The following PZP variants were observed in gnomAD, a reference collection of about 807,000 sequenced individuals.
PZP encodes PZP alpha-2-macroglobulin like.
PZP carries 150 observed loss-of-function variants against 179.8 expected under a neutral mutation model. The observed-to-expected ratio is 0.83, with a 90% CI of 0.73 to 0.96. The LOEUF (loss-of-function observed/expected upper bound fraction) is 0.96, where lower values mean the gene tolerates loss of function less well. Ranked by LOEUF, PZP falls within the 40% of genes least tolerant of loss-of-function variation. The pLI, the probability that PZP is intolerant of heterozygous loss-of-function variation, is 0.00. For synonymous variants in PZP, 624 were observed against 652.3 expected (o/e 0.96, Z 0.66); for missense variants, 1,689 against 1,764.0 (o/e 0.96, Z 0.76).
intron 13 of PZP, among the ~76,000 whole-genome samples, chr12:9,184,017 C>G (rs1238242126): frequency 6.6e-6 from 1 of 152,044 alleles, no homozygotes; most frequent in African/African-American, 2.4e-5. Flanking sequence ...GTCTTGAGTT[C>G]AACAAGGAAA....
chr12:9,194,045 T>C, intron 11 of PZP, 32 bp downstream of exon 11: 1 of 1,581,044 alleles, frequency 6.3e-7, no homozygotes, highest in Non-Finnish European at 8.7e-7. Context: ...AACATTTCCT[T>C]TGTCCTCAGA....
At chr12:9,197,387 A>G (rs948864356) in intron 7 of PZP, among the ~76,000 whole-genome samples, 3 of 142,186 alleles carry the variant, frequency 2.1e-5, no homozygotes, top group African/African-American at 7.7e-5. Flanking sequence ...TTAATATATA[A>G]TATTATAATT....
chr12:9,187,868 G>C (rs1943219425), intron 13 of PZP, among the ~76,000 whole-genome samples: 1 of 152,174 alleles, frequency 6.6e-6, no homozygotes, highest in African/African-American at 2.4e-5. Context: ...CTTCAAGATG[G>C]AAAAAATGGC....
At chr12:9,193,221 T>C (rs7294811) in intron 11 of PZP, among the ~76,000 whole-genome samples, 85,522 of 151,838 alleles carry the variant, frequency 0.56, 24,120 homozygotes, top group Admixed American at 0.64. Context: ...ACCTATGTGA[T>C]TTCTGAAACT....
At chr12:9,178,045 A>G (rs1942505500) in intron 15 of PZP, among the ~76,000 whole-genome samples, 1 of 152,214 alleles carries the variant, frequency 6.6e-6, no homozygotes, top group Non-Finnish European at 1.5e-5. Flanking sequence ...CCTAATAATT[A>G]TTACGCTATG....
chr12:9,190,497 G>A (rs1943398465), intron 13 of PZP, among the ~76,000 whole-genome samples: 1 of 152,114 alleles, frequency 6.6e-6, no homozygotes, highest in African/African-American at 2.4e-5. Flanking sequence ...CCTATCTGAG[G>A]GTGGAGGGCG....
rs763184515 is a variant in PZP, at chr12:9,200,981, G to T, written c.581C>A (p.Ser194Ter). The change falls in exon 6 of 36, where the codon TCA becomes TAA. Residue 194 changes from serine to a stop codon, truncating the protein, a stop_gained. Coordinates refer to ENST00000261336, the MANE Select transcript of PZP (RefSeq NM_002864.3). LOFTEE classifies it high-confidence loss of function. ...AGINQLSFPL[S>*]SEPIQGSYRV... ...GTAGGAGCCCTGAATGGGCTCTGATGAGAGGGGAAAGGACAACTGATTGAT... is the reference window on the plus strand; with the variant it reads ...GTAGGAGCCCTGAATGGGCTCTGATTAGAGGGGAAAGGACAACTGATTGAT... The T allele has an allele frequency of 6.2e-7, 1 of 1,614,090 alleles. No homozygotes were observed. Among genetic ancestry groups the T allele is most frequent in the East Asian group, 2.2e-5 (1 of 44,876 alleles).
chr12:9,138,611 G>A, the PZP span, among the ~76,000 whole-genome samples: 3 of 152,032 alleles, frequency 2.0e-5, 1 homozygote, highest in Middle Eastern at 0.01. Context: ...GAATCTACCT[G>A]TGAAGCTATC....
In PZP at chr12:9,155,943, C is replaced by A; in HGVS notation, c.3551-1104G>T. The A allele has an allele frequency of 1.8e-5, 3 of 162,626 alleles. No homozygotes were observed. In the South Asian group the frequency reaches 5.3e-4, roughly 29 times the overall value. 10.1% of individuals were successfully genotyped at this position (162,626 alleles called of 1,614,324 possible). A position where few individuals can be genotyped will look rare whatever the true frequency, so the allele number is the denominator to read the frequency against. ...GGAGTCACACCATCCTCATGGTAGT[C>A]CAGCAGAGGCAGCATGCCATATGGG... is the stretch of plus-strand genomic sequence containing the variant. On this transcript the variant is annotated intron_variant, in intron 28 of 35. Coordinates refer to ENST00000261336, the MANE Select transcript of PZP (RefSeq NM_002864.3).
chr12:9,177,640 A>G (rs921784725), intron 15 of PZP, among the ~76,000 whole-genome samples: 1 of 152,200 alleles, frequency 6.6e-6, no homozygotes, highest in Non-Finnish European at 1.5e-5. Flanking sequence ...ATAAATGAAC[A>G]TGTATTATTT....
chr12:9,150,171 A>C (rs1432446332), intron 34 of PZP, among the ~76,000 whole-genome samples: 2 of 152,240 alleles, frequency 1.3e-5, no homozygotes, highest in Non-Finnish European at 2.9e-5. Flanking sequence ...CTATGTCTCT[A>C]AACTACTTGA....
chr12:9,188,938 G>T (rs1943291762), intron 13 of PZP, among the ~76,000 whole-genome samples: 1 of 151,670 alleles, frequency 6.6e-6, no homozygotes, highest in South Asian at 2.1e-4. Context: ...GTATGAAAAT[G>T]GTCATATTGC....
intron 7 of PZP, among the ~76,000 whole-genome samples, chr12:9,197,497 A>C (rs1943857334): frequency 1.6e-5 from 2 of 128,856 alleles, no homozygotes; most frequent in South Asian, 4.3e-4. Context: ...TATTATATAT[A>C]AATATATTAT....
At chr12:9,140,065 G>T in the PZP span, among the ~76,000 whole-genome samples, 2 of 152,268 alleles carry the variant, frequency 1.3e-5, no homozygotes, top group Admixed American at 6.5e-5. Flanking sequence ...CTGGGGAGGG[G>T]TTTATTTTCG....
At chr12:9,187,789 T>G (rs1342002785) in intron 13 of PZP, among the ~76,000 whole-genome samples, 1 of 152,252 alleles carries the variant, frequency 6.6e-6, no homozygotes, top group Non-Finnish European at 1.5e-5. Flanking sequence ...AGCTGTGCTG[T>G]GCAGGTGATC....
At chr12:9,182,793 C>T (rs2120984206) in intron 13 of PZP, among the ~76,000 whole-genome samples, 1 of 152,262 alleles carries the variant, frequency 6.6e-6, no homozygotes, top group African/African-American at 2.4e-5. Flanking sequence ...GAGTAGATGG[C>T]CCACATTTAG....
the PZP span, among the ~76,000 whole-genome samples, chr12:9,143,463 AG>A: frequency 1.3e-5 from 2 of 152,084 alleles, no homozygotes; most frequent in African/African-American, 4.8e-5. Context: ...TAGGGTCAAA[AG>A]GGGTTTCAGA....
Position 9,201,326 on chromosome 12 carries a change from C to T in PZP, c.501+1G>A, listed in dbSNP as rs200164577. The T allele has an allele frequency of 4.9e-5, 76 of 1,549,178 alleles. No individual in the cohort carries two copies. The East Asian group carries it at 1.2e-3, about 25-fold the overall frequency. On this transcript the variant is annotated splice_donor_variant, in intron 5 of 35. Coordinates refer to ENST00000261336, the MANE Select transcript of PZP (RefSeq NM_002864.3). LOFTEE classifies it high-confidence loss of function. ...TATAAGATACTTTTTCTGATACTTA[C>T]CTCAAGGTATATCAGTGGAATCTAT...
intron 4 of PZP, among the ~76,000 whole-genome samples, chr12:9,201,850 A>T (rs1032417005): frequency 2.0e-5 from 3 of 152,122 alleles, no homozygotes; most frequent in Non-Finnish European, 4.4e-5. Flanking sequence ...ATTGAAGGTA[A>T]GTTGAAAAAA....
Sources: allele counts gnomAD v4.1 joint callset (sites outside exome capture counted in the v4.1 genomes callset), GRCh38; gene constraint gnomAD v4.1.1; transcripts MANE v1.5; gene names NCBI Gene and HGNC (gene_info 2026-07-23, HGNC 2026-07-21).